Variants in TVP23B observed in about 807,000 individuals in gnomAD.
TVP23B encodes trans-golgi network vesicle protein 23 homolog B.
In TVP23B, 10 loss-of-function variants were observed where a neutral mutation model predicts 30.6. The observed-to-expected ratio is 0.33, with a 90% CI of 0.20 to 0.55. The LOEUF (loss-of-function observed/expected upper bound fraction) is 0.55, where lower values mean the gene tolerates loss of function less well. TVP23B is among the 20% of genes least tolerant of loss of function. The pLI is 0.91. For missense variants in TVP23B, 153 were observed against 243.2 expected, an observed-to-expected ratio of 0.63 and a Z score of 2.47; for synonymous variants, 67 against 83.1, an observed-to-expected ratio of 0.81 and a Z score of 1.06.
intron 1 of TVP23B, 42 bp downstream of exon 1, chr17:18,781,347 G>A: frequency 6.4e-7 from 1 of 1,565,464 alleles, no homozygotes; most frequent in Non-Finnish European, 8.6e-7. Flanking sequence ...CGGCTCCTGG[G>A]ACTGGCTCTG....
intron 2 of TVP23B, among the ~76,000 whole-genome samples, chr17:18,790,481 A>AAAAAAAG (rs1567633194): frequency 3.5e-5 from 1 of 28,466 alleles, no homozygotes; most frequent in African/African-American, 1.1e-4. Flanking sequence ...AAAAAAAAAG[A>AAAAAAAG]AAAGAAAGAA....
At chr17:18,801,580 C>G (rs1455530024) in intron 5 of TVP23B, among the ~76,000 whole-genome samples, 1 of 152,012 alleles carries the variant, frequency 6.6e-6, no homozygotes, top group Non-Finnish European at 1.5e-5. Context: ...GCTGGGCTGC[C>G]TGGTTTTGCG....
chr17:18,795,750 T>A (rs1417705960), intron 3 of TVP23B: 1 of 152,244 alleles, frequency 6.6e-6, no homozygotes, highest in Non-Finnish European at 1.5e-5. Context: ...TTTCAGTTAC[T>A]GCTATACACT....
chr17:18,789,100 G>T (rs918377987), intron 1 of TVP23B: 77 of 504,628 alleles, frequency 1.5e-4, no homozygotes, highest in Admixed American at 1.4e-3. Flanking sequence ...GCACCCTAGA[G>T]TTTTCTCAGA....
chr17:18,789,296 T>C, intron 1 of TVP23B, 57 bp from the exon 2 acceptor site: 1 of 1,608,484 alleles, frequency 6.2e-7, no homozygotes, highest in South Asian at 1.1e-5. Flanking sequence ...TGCATTGCAG[T>C]GGCTGTGTAA....
chr17:18,785,570 T>A (rs1430725125), intron 1 of TVP23B, among the ~76,000 whole-genome samples: 7 of 152,026 alleles, frequency 4.6e-5, no homozygotes, highest in Non-Finnish European at 8.8e-5. Context: ...TTGGCATGTT[T>A]AAGGAACTGA....
chr17:18,789,754 C>T (rs1025241673), intron 2 of TVP23B: 3 of 222,202 alleles, frequency 1.4e-5, no homozygotes, highest in African/African-American at 6.8e-5. Flanking sequence ...ATTTATTGTG[C>T]ACATTTCAAA....
chr17:18,804,498 C>G (rs2151853155), intron 6 of TVP23B: 1 of 1,213,130 alleles, frequency 8.2e-7, no homozygotes, highest in African/African-American at 1.6e-5. Flanking sequence ...TTGATAATAA[C>G]TTATTTTTTA....
chr17:18,803,964 C>A lies in TVP23B; in HGVS notation c.463-174C>A, dbSNP rs1012635438. 2.6e-4 allele frequency among the ~76,000 whole-genome samples: 40 copies of A among 151,416 alleles called. 1 individual carries two copies. Among genetic ancestry groups the A allele is most frequent in the African/African-American group, 9.2e-4 (38 of 41,252 alleles). The stretch of plus-strand genomic sequence containing the variant: ...CTCGTGCCTTGTGCAGAGCGTCTAT[C>A]AGATGGGTCTGTTCTGGCAACTGTC... On this transcript the variant is annotated intron_variant, in intron 5 of 6. Coordinates refer to ENST00000307767, the MANE Select transcript of TVP23B (RefSeq NM_016078.6).
rs2036246891 is a variant in TVP23B at position 18,806,080 on chromosome 17, G to A, written c.*513G>A. On this transcript the variant is annotated 3_prime_UTR_variant, in exon 7 of 7. Transcript: ENST00000307767. ...GTTAGTTTTTAATATGCACTTCGTG[G>A]GGAAATTTCTTAGACGTATGCAAGC... is the stretch of plus-strand genomic sequence containing the variant. 1.0e-6 allele frequency: 1 copy of A among 979,854 alleles called. No individual in the cohort carries two copies. The highest frequency in any genetic ancestry group is 1.1e-4 in the East Asian group (1 of 8,796). 60.7% of individuals were successfully genotyped at this position (979,854 alleles called of 1,614,324 possible).
intron 3 of TVP23B, among the ~76,000 whole-genome samples, chr17:18,793,936 CA>C (rs2151847818): frequency 6.6e-6 from 1 of 151,938 alleles, no homozygotes; most frequent in East Asian, 1.9e-4. Context: ...TCAACTCAAA[CA>C]AAAAGAAACT....
In TVP23B at chr17:18,789,425, G is replaced by A; in HGVS notation, c.85G>A (p.Ala29Thr). 1 of 1,613,978 alleles carries A rather than the reference G, an allele frequency of 6.2e-7. No homozygotes were observed. Among genetic ancestry groups the A allele is most frequent in the Non-Finnish European group, 8.5e-7 (1 of 1,179,872 alleles). Residue 29 changes from alanine (A) to threonine (T), a missense_variant, in exon 2 of 7, where the codon GCC (alanine) becomes ACC (threonine). Around this residue, in one of 3 missense-constraint regions of TVP23B, gnomAD observed 38 missense variants for 40.9 expected, o/e 0.93. Transcript: ENST00000307767. The part of the protein sequence containing the change: ...EEETTNRPRK[A>T]KIRHPVASFF... ...GGAGACGACTAATAGACCAAGAAAA[G>A]CCAAAATCAGGTAGGAGGAGAGAAG...
At chr17:18,798,266 T>C (rs1338364255) in intron 4 of TVP23B, among the ~76,000 whole-genome samples, 5 of 152,182 alleles carry the variant, frequency 3.3e-5, no homozygotes, top group Non-Finnish European at 7.3e-5. Context: ...TGACAAGTTA[T>C]TTTAAGAAAG....
intron 5 of TVP23B, among the ~76,000 whole-genome samples, chr17:18,802,677 G>A (rs1215206295): frequency 6.6e-6 from 1 of 152,178 alleles, no homozygotes; most frequent in African/African-American, 2.4e-5. Context: ...TTTGCTGTTT[G>A]TACCTTAAGG....
intron 2 of TVP23B, 151 bp from the exon 3 acceptor site, chr17:18,790,745 C>T: frequency 7.7e-7 from 1 of 1,300,960 alleles, no homozygotes. Flanking sequence ...AAAAAGAGAG[C>T]TAGGAGGTTT....
chr17:18,783,091 TGA>T (rs1404117951), intron 1 of TVP23B, among the ~76,000 whole-genome samples: 2,562 of 112,926 alleles, frequency 0.023, 556 homozygotes, highest in African/African-American at 0.071. Context: ...ATTTATTTAT[TGA>T]TTGATTGATT....
At chr17:18,787,669 A>G (rs796827085) in intron 1 of TVP23B, among the ~76,000 whole-genome samples, 6 of 152,322 alleles carry the variant, frequency 3.9e-5, no homozygotes, top group African/African-American at 1.4e-4. Flanking sequence ...TGTGAAAGGC[A>G]GGAGATGGGA....
chr17:18,805,930 A>T lies in TVP23B; in HGVS notation c.*363A>T, dbSNP rs1298670107. The T allele has an allele frequency of 9.9e-7, 1 of 1,013,846 alleles. No homozygotes were observed. The highest frequency in any genetic ancestry group is 8.0e-5 in the East Asian group (1 of 12,482). The allele number at this position is 1,013,846 out of a possible 1,614,324, so 62.8% of individuals were successfully genotyped here. Reference sequence around the variant, plus strand: ...ATTTTGATCCATAGAACATAGGAGGATGTTCTTAGTCTGTCTCAAAGCTCT... The same window carrying T: ...ATTTTGATCCATAGAACATAGGAGGTTGTTCTTAGTCTGTCTCAAAGCTCT... On this transcript the variant is annotated 3_prime_UTR_variant, in exon 7 of 7. Coordinates refer to ENST00000307767, the MANE Select transcript of TVP23B (RefSeq NM_016078.6).
intron 5 of TVP23B, among the ~76,000 whole-genome samples, chr17:18,803,492 T>G (rs2151852692): frequency 6.6e-6 from 1 of 152,398 alleles, no homozygotes; most frequent in Middle Eastern, 3.4e-3. Context: ...GAATGGGTTT[T>G]GAGTTTCTTT....
Sources: allele counts gnomAD v4.1 joint callset (sites outside exome capture counted in the v4.1 genomes callset), GRCh38; gene constraint gnomAD v4.1.1; regional missense constraint gnomAD v4.1.1; transcripts MANE v1.5; gene names NCBI Gene and HGNC (gene_info 2026-07-23, HGNC 2026-07-21).